WHRN: variants seen among roughly 807,000 people sequenced by gnomAD.
The protein encoded by WHRN is CASK-interacting protein CIP98.
WHRN carries 41 observed loss-of-function variants against 68.3 expected under a neutral mutation model. That is an observed-to-expected ratio of 0.60 (90% CI 0.47 to 0.78). The LOEUF (loss-of-function observed/expected upper bound fraction) is 0.78, where lower values mean the gene tolerates loss of function less well. Ranked by LOEUF, WHRN falls within the 30% of genes least tolerant of loss-of-function variation. The pLI is 0.00. For synonymous variants in WHRN, 560 were observed against 561.3 expected, an observed-to-expected ratio of 1.00 and a Z score of 0.03; for missense variants, 1,243 against 1,244.7, an observed-to-expected ratio of 1.00 and a Z score of 0.02.
chr9:114,461,245 C>T (rs1840221760), intron 3 of WHRN, among the ~76,000 whole-genome samples: 1 of 152,222 alleles, frequency 6.6e-6, no homozygotes, highest in Non-Finnish European at 1.5e-5. Context: ...TTGCTCCATT[C>T]AGACGCCGCC....
intron 7 of WHRN, among the ~76,000 whole-genome samples, chr9:114,419,951 C>T (rs762154673): frequency 5.9e-5 from 9 of 152,082 alleles, no homozygotes; most frequent in East Asian, 1.9e-4. Flanking sequence ...TGCAGACATA[C>T]GGGGGTGGCA....
At position 114,424,369 on chromosome 9, in the gene WHRN, T is replaced by C. The variant is rs144878400; in HGVS notation, c.1381A>G (p.Met461Val). ...GTGTTGAGCAGCTTGAACAGGGCCA[T>C]GACGAGGGCCTCCACAGAGACGCTG... ...GGSVSVEALV[M>V]ALFKLLNTHA... is the part of the protein sequence containing the mutation. The change falls in exon 6 of 12, where the codon ATG becomes GTG. Residue 461 changes from methionine (M) to valine (V), a missense_variant. Physicochemically the swap from Met to Val is conservative, Grantham distance 21. Transcript: ENST00000362057. 1 of 1,612,320 alleles carries C rather than the reference T, an allele frequency of 6.2e-7. No homozygotes were observed. Among genetic ancestry groups the C allele is most frequent in the African/African-American group, 1.3e-5 (1 of 74,964 alleles).
intron 1 of WHRN, among the ~76,000 whole-genome samples, chr9:114,503,976 G>A (rs563194524): frequency 6.6e-6 from 1 of 151,946 alleles, no homozygotes; most frequent in Non-Finnish European, 1.5e-5. Context: ...ACAAAGGCAA[G>A]GGCCATGTCT....
intron 3 of WHRN, among the ~76,000 whole-genome samples, chr9:114,433,462 T>C (rs1043479733): frequency 1.3e-5 from 2 of 152,214 alleles, no homozygotes; most frequent in African/African-American, 4.8e-5. Flanking sequence ...AAAATGGATC[T>C]TGCGGCTTCA....
At chr9:114,492,188 T>C (rs543998108) in intron 1 of WHRN, among the ~76,000 whole-genome samples, 17 of 152,152 alleles carry the variant, frequency 1.1e-4, no homozygotes, top group Admixed American at 7.8e-4. Flanking sequence ...GGAGGGAATA[T>C]ACAAAACAAA....
intron 2 of WHRN, among the ~76,000 whole-genome samples, chr9:114,473,670 G>A (rs1363036859): frequency 1.3e-5 from 2 of 152,192 alleles, no homozygotes; most frequent in Non-Finnish European, 2.9e-5. Context: ...CTGGATACTG[G>A]TTCATTGCCA....
At chr9:114,450,008 C>T (rs1439441003) in intron 3 of WHRN, among the ~76,000 whole-genome samples, 2 of 152,062 alleles carry the variant, frequency 1.3e-5, no homozygotes, top group African/African-American at 2.4e-5. Flanking sequence ...ATAGTCTCTA[C>T]GAAGGAAGCA....
intron 1 of WHRN, among the ~76,000 whole-genome samples, chr9:114,488,203 C>T (rs1227570904): frequency 1.3e-5 from 2 of 152,308 alleles, no homozygotes; most frequent in East Asian, 1.9e-4. Context: ...GGGGCCATAA[C>T]GCCTATGCTC....
At chr9:114,431,671 A>C (rs1837438299) in intron 3 of WHRN, among the ~76,000 whole-genome samples, 1 of 152,246 alleles carries the variant, frequency 6.6e-6, no homozygotes, top group Admixed American at 6.5e-5. Flanking sequence ...CCCAAAGAAA[A>C]CTAAGAGCTC....
chr9:114,463,747 G>A (rs1840436107), intron 3 of WHRN, among the ~76,000 whole-genome samples: 1 of 152,022 alleles, frequency 6.6e-6, no homozygotes, highest in Non-Finnish European at 1.5e-5. Context: ...TTTCCCCCTG[G>A]AGTCCAAACA....
chr9:114,440,712 TTC>T (rs753352525), intron 3 of WHRN, among the ~76,000 whole-genome samples: 8 of 152,368 alleles, frequency 5.3e-5, no homozygotes, highest in Non-Finnish European at 1.0e-4. Flanking sequence ...CAAAGCCACT[TTC>T]TGTTGCTAGT....
At chr9:114,480,538 A>G (rs1401326181) in intron 1 of WHRN, among the ~76,000 whole-genome samples, 1 of 152,144 alleles carries the variant, frequency 6.6e-6, no homozygotes, top group African/African-American at 2.4e-5. Flanking sequence ...GGAAGTTTTC[A>G]AGTCTGAAAG....
At chr9:114,406,283 G>A in intron 9 of WHRN, 72 bp downstream of exon 9, 2 of 1,593,096 alleles carry the variant, frequency 1.3e-6, no homozygotes, top group African/African-American at 1.3e-5. Flanking sequence ...CCTTCACTGT[G>A]TCATCAGGTA....
intron 3 of WHRN, among the ~76,000 whole-genome samples, chr9:114,427,928 T>G (rs1837027751): frequency 6.6e-6 from 1 of 152,214 alleles, no homozygotes; most frequent in African/African-American, 2.4e-5. Flanking sequence ...CTGTTCCATT[T>G]AGCTCACGAT....
rs370318768 is a variant in WHRN, at chr9:114,451,661, C to T, written c.963+14606G>A. On this transcript the variant is annotated intron_variant, in intron 3 of 11. Transcript: ENST00000362057. ...AGCTGCCTACAGGGGAAGGCCCTGC[C>T]CTGTGTCCCTCCCCCAGTCTGCCTG... 1.1e-3 allele frequency among the ~76,000 whole-genome samples: 162 copies of T among 152,036 alleles called. 6 individuals carry two copies. The South Asian group carries it at 0.032, about 30-fold the overall frequency.
chr9:114,502,054 C>T (rs138546125), intron 1 of WHRN, among the ~76,000 whole-genome samples: 1 of 152,178 alleles, frequency 6.6e-6, no homozygotes, highest in Non-Finnish European at 1.5e-5. Context: ...AAAATTCCAC[C>T]CACCAAAGAA....
At chr9:114,433,842 C>T (rs539145291) in intron 3 of WHRN, among the ~76,000 whole-genome samples, 4 of 152,266 alleles carry the variant, frequency 2.6e-5, no homozygotes, top group South Asian at 4.1e-4. Flanking sequence ...TGGATGGACC[C>T]GGCAAGGCTA....
intron 3 of WHRN, among the ~76,000 whole-genome samples, chr9:114,449,546 G>A (rs766576783): frequency 2.6e-5 from 4 of 152,308 alleles, no homozygotes; most frequent in Non-Finnish European, 4.4e-5. Flanking sequence ...TAAGCATCTC[G>A]AATTTCTGCA....
chr9:114,495,221 G>C (rs1843349273), intron 1 of WHRN, among the ~76,000 whole-genome samples: 1 of 152,260 alleles, frequency 6.6e-6, no homozygotes, highest in Admixed American at 6.5e-5. Context: ...CAGCTCAAGA[G>C]CAGGGTTGTA....
Sources: gnomAD v4.1 joint callset for allele counts (sites outside exome capture counted in the v4.1 genomes callset) on GRCh38, gnomAD v4.1.1 for gene constraint, MANE v1.5 for transcripts, NCBI Gene and HGNC (gene_info 2026-07-23, HGNC 2026-07-21) for gene names.